GUCY1A2: variants seen among roughly 807,000 people sequenced by gnomAD.
GUCY1A2 encodes the protein guanylate cyclase soluble subunit alpha-2.
A neutral mutation model predicts 63.5 loss-of-function variants in GUCY1A2; 27 were observed. That is an observed-to-expected ratio of 0.43 (90% CI 0.31 to 0.59). GUCY1A2 has a LOEUF of 0.59. Ranked by LOEUF, GUCY1A2 falls within the 20% of genes least tolerant of loss-of-function variation. The probability of loss-of-function intolerance (pLI) is 0.11; values close to 1 mark genes in which losing one functional copy is unlikely to be tolerated. For synonymous variants in GUCY1A2, 364 were observed against 343.5 expected (o/e 1.06, Z -0.66); for missense variants, 768 against 913.3 (o/e 0.84, Z 2.05).
intron 6 of GUCY1A2, 45 bp downstream of exon 6, chr11:106,776,394 T>C (rs775133557): frequency 2.0e-6 from 3 of 1,494,128 alleles, no homozygotes; most frequent in Non-Finnish European, 2.8e-6. Flanking sequence ...CCTCCTCCAG[T>C]TAATGGTGCA....
chr11:106,826,291 A>G, intron 4 of GUCY1A2: 1 of 859,172 alleles, frequency 1.2e-6, no homozygotes, highest in South Asian at 1.9e-5. Context: ...TGTAATTTTC[A>G]GTGTGGTCAT....
chr11:106,861,952 G>A (rs1257430123), intron 4 of GUCY1A2, among the ~76,000 whole-genome samples: 1 of 151,968 alleles, frequency 6.6e-6, no homozygotes, highest in Non-Finnish European at 1.5e-5. Context: ...CTAAAAGCAA[G>A]TGTTAAGGGC....
chr11:107,007,454 A>G (rs1861685809), intron 1 of GUCY1A2, among the ~76,000 whole-genome samples: 1 of 152,210 alleles, frequency 6.6e-6, no homozygotes, highest in East Asian at 1.9e-4. Context: ...TCCTGAAGAC[A>G]TAACCCTCCA....
At chr11:106,757,799 G>A (rs562993163) in intron 6 of GUCY1A2, among the ~76,000 whole-genome samples, 1 of 152,294 alleles carries the variant, frequency 6.6e-6, no homozygotes, top group South Asian at 2.1e-4. Context: ...CCCCTACTGG[G>A]AGATGTCTCC....
intron 3 of GUCY1A2, among the ~76,000 whole-genome samples, chr11:106,956,102 T>TCG (rs2120043762): frequency 6.6e-6 from 1 of 151,922 alleles, no homozygotes; most frequent in East Asian, 2.0e-4. Context: ...TGTGTATGCT[T>TCG]CGTGAAGTTC....
chr11:106,750,658 A>T (rs1353090950), intron 6 of GUCY1A2, among the ~76,000 whole-genome samples: 1 of 152,076 alleles, frequency 6.6e-6, no homozygotes, highest in African/African-American at 2.4e-5. Context: ...CTAAATAAGA[A>T]AGATATTTGA....
chr11:106,945,085 T>C (rs1181637414), intron 3 of GUCY1A2, among the ~76,000 whole-genome samples: 2 of 149,188 alleles, frequency 1.3e-5, no homozygotes, highest in Admixed American at 6.7e-5. Context: ...AAGCATAAAT[T>C]GCAACCAGGA....
At chr11:106,784,409 G>C (rs76255173) in intron 5 of GUCY1A2, among the ~76,000 whole-genome samples, 1 of 152,024 alleles carries the variant, frequency 6.6e-6, no homozygotes, top group African/African-American at 2.4e-5. Context: ...GGCAGGGTGG[G>C]GTAGCCTGAA....
chr11:106,761,665 C>T (rs1192837120), intron 6 of GUCY1A2, among the ~76,000 whole-genome samples: 1 of 152,048 alleles, frequency 6.6e-6, no homozygotes, highest in Non-Finnish European at 1.5e-5. Flanking sequence ...AATTTTGGAG[C>T]AAATTTTTGA....
chr11:106,781,349 A>AAACTT (rs917765859), intron 5 of GUCY1A2, among the ~76,000 whole-genome samples: 8 of 152,190 alleles, frequency 5.3e-5, no homozygotes, highest in African/African-American at 1.9e-4. Context: ...ATGTCTGAAA[A>AAACTT]AACTTACATT....
chr11:106,985,034 AT>A (rs1228732505), intron 2 of GUCY1A2, among the ~76,000 whole-genome samples: 1 of 152,080 alleles, frequency 6.6e-6, no homozygotes, highest in Non-Finnish European at 1.5e-5. Flanking sequence ...TACCGAGATT[AT>A]TTTTCCATTA....
At chr11:106,895,474 T>C (rs1468890564) in intron 4 of GUCY1A2, among the ~76,000 whole-genome samples, 2 of 152,132 alleles carry the variant, frequency 1.3e-5, no homozygotes, top group East Asian at 3.9e-4. Flanking sequence ...GGTAAATGAA[T>C]CATGGGGGCA....
chr11:106,899,434 C>T (rs1318629383), intron 4 of GUCY1A2, among the ~76,000 whole-genome samples: 9 of 152,128 alleles, frequency 5.9e-5, no homozygotes, highest in Non-Finnish European at 1.2e-4. Context: ...ATGCTGTTTC[C>T]ATGGAGAGAT....
intron 6 of GUCY1A2, among the ~76,000 whole-genome samples, chr11:106,765,721 CA>C (rs1213911513): frequency 6.6e-6 from 1 of 152,082 alleles, no homozygotes; most frequent in East Asian, 1.9e-4. Context: ...ATTTGACCAT[CA>C]AAATTACTCT....
chr11:106,865,085 G>C (rs148593807), intron 4 of GUCY1A2, among the ~76,000 whole-genome samples: 2 of 152,046 alleles, frequency 1.3e-5, no homozygotes, highest in Non-Finnish European at 2.9e-5. Context: ...CTTGTTATTG[G>C]TCTATTTAGG....
chr11:106,810,371 T>G lies in GUCY1A2; in HGVS notation c.1314A>C (p.Leu438=), dbSNP rs1858746973. ...DKLDELMGRG[L]HLSDIPIHDA... is the part of the protein sequence containing the mutation. ...CATGGATAGGGATGTCTGAGAGATG[T>G]AGCCCTCGGCCCATGAGTTCATCCA... Residue 438 remains leucine, a synonymous_variant, in exon 5 of 8, where the codon CTA becomes CTC. Transcript: ENST00000526355. 1 of 1,613,886 alleles carries G rather than the reference T, an allele frequency of 6.2e-7. No homozygotes were observed.
chr11:106,825,239 T>C (rs560430271), intron 4 of GUCY1A2, among the ~76,000 whole-genome samples: 1 of 152,280 alleles, frequency 6.6e-6, no homozygotes, highest in East Asian at 1.9e-4. Flanking sequence ...TCTTAAGTTT[T>C]TTATGCCTTT....
At chr11:106,948,801 G>A (rs182493023) in intron 3 of GUCY1A2, among the ~76,000 whole-genome samples, 200 of 152,272 alleles carry the variant, frequency 1.3e-3, no homozygotes, top group Non-Finnish European at 2.4e-3. Flanking sequence ...AAAGGGAAAA[G>A]AATGGTTTAC....
chr11:106,939,932 A>G lies in GUCY1A2; in HGVS notation c.734T>C (p.Ile245Thr). ...CATCCCCAGCATTGCAAACCCCACA[A>G]TATGGTGAGGGTGGAAGTAGTGGAG... is the stretch of plus-strand genomic sequence containing the variant. The part of the protein sequence containing the change: ...LMLHYFHPHH[I>T]VGFAMLGMIK... Residue 245 changes from isoleucine (I) to threonine (T), a missense_variant, in exon 4 of 8, where the codon ATT becomes ACT. Around this residue, in one of 3 missense-constraint regions of GUCY1A2, gnomAD observed 496 missense variants for 486.9 expected, o/e 1.02. Coordinates refer to ENST00000526355, the MANE Select transcript of GUCY1A2 (RefSeq NM_000855.3). 1.9e-6 allele frequency: 3 copies of G among 1,613,730 alleles called. No individual in the cohort carries two copies. Among genetic ancestry groups the G allele is most frequent in the Non-Finnish European group, 2.5e-6 (3 of 1,179,700 alleles).
Sources: gnomAD v4.1 joint callset for allele counts (sites outside exome capture counted in the v4.1 genomes callset) on GRCh38, gnomAD v4.1.1 for gene constraint, gnomAD v4.1.1 regional missense constraint, MANE v1.5 for transcripts, NCBI Gene and HGNC (gene_info 2026-07-23, HGNC 2026-07-21) for gene names.